Variants in USP14 observed in about 807,000 individuals in gnomAD.
USP14 encodes the protein ubiquitin specific peptidase 14.
A neutral mutation model predicts 76.5 loss-of-function variants in USP14; 38 were observed. The observed-to-expected ratio is 0.50, with a 90% CI of 0.38 to 0.65. The LOEUF (loss-of-function observed/expected upper bound fraction) is 0.65. USP14 is among the 30% of genes least tolerant of loss of function. The probability of loss-of-function intolerance (pLI) is 0.00; values close to 1 mark genes in which losing one functional copy is unlikely to be tolerated. For synonymous variants in USP14, 192 were observed against 191.7 expected, an observed-to-expected ratio of 1.00 and a Z score of -0.01; for missense variants, 467 against 586.5, an observed-to-expected ratio of 0.80 and a Z score of 2.10.
chr18:171,024 AAATATAT>A (rs1267341080), intron 3 of USP14, among the ~76,000 whole-genome samples: 52 of 58,804 alleles, frequency 8.8e-4, no homozygotes, highest in African/African-American at 3.5e-3. Flanking sequence ...AAAAAAAAAA[AAATATAT>A]ATATATATAT....
chr18:173,333 T>C (rs565248472), intron 3 of USP14, among the ~76,000 whole-genome samples: 84 of 152,004 alleles, frequency 5.5e-4, no homozygotes, highest in African/African-American at 1.9e-3. Context: ...GGATGGTCTC[T>C]ATCTCCTGAC....
chr18:204,737 C>T (rs1910481229), intron 13 of USP14, 45 bp downstream of exon 13: 3 of 1,592,780 alleles, frequency 1.9e-6, no homozygotes, highest in Non-Finnish European at 2.6e-6. Context: ...TCTTAATCTC[C>T]CATCAGTGCT....
At chr18:167,795 G>A (rs773085124) in intron 3 of USP14, among the ~76,000 whole-genome samples, 1 of 151,868 alleles carries the variant, frequency 6.6e-6, no homozygotes, top group Non-Finnish European at 1.5e-5. Context: ...GGATTAACAG[G>A]TGTGAGTCAC....
intron 5 of USP14, among the ~76,000 whole-genome samples, chr18:192,272 T>C (rs562703635): frequency 9.8e-5 from 15 of 152,308 alleles, no homozygotes; most frequent in African/African-American, 3.1e-4. Flanking sequence ...TTTCAGAAAA[T>C]GTTTGTTTTA....
intron 2 of USP14, among the ~76,000 whole-genome samples, chr18:163,809 G>A (rs368708925): frequency 6.9e-6 from 1 of 145,614 alleles, no homozygotes; most frequent in African/African-American, 2.5e-5. Context: ...CATAGTACCC[G>A]ATAGGTAGTT....
At chr18:185,304 G>A (rs1909898406) in intron 5 of USP14, among the ~76,000 whole-genome samples, 1 of 152,122 alleles carries the variant, frequency 6.6e-6, no homozygotes, top group Admixed American at 6.6e-5. Flanking sequence ...AATTACAGGT[G>A]TGTGCCACCA....
rs142601914 is a variant in USP14 at position 197,450 on chromosome 18, G to C, written c.595-166G>C. 2.0e-5 allele frequency among the ~76,000 whole-genome samples: 3 copies of C among 152,286 alleles called. No homozygotes were observed. In the East Asian group the frequency reaches 5.8e-4, roughly 29 times the overall value. Reference sequence around the variant, plus strand: ...CAGCAGATGTCTGTTGAATGAATAAGCTATTCTAGAATGCTTTATTTTTTG... The same window carrying C: ...CAGCAGATGTCTGTTGAATGAATAACCTATTCTAGAATGCTTTATTTTTTG... On this transcript the variant is annotated intron_variant, in intron 7 of 15. Coordinates refer to ENST00000261601, the MANE Select transcript of USP14 (RefSeq NM_005151.4).
intron 5 of USP14, among the ~76,000 whole-genome samples, chr18:183,845 A>G (rs1303934208): frequency 2.0e-5 from 3 of 150,950 alleles, no homozygotes; most frequent in Non-Finnish European, 4.4e-5. Context: ...GTGTGCTCAT[A>G]TCATGCAACC....
At position 171,025 on chromosome 18, in the gene USP14, A is replaced by AATATATATATATATAT. The variant is rs57888885; in HGVS notation, c.195+4222_195+4237dup. ...CCTGGAACTTAAAAAAAAAAAAAAA[A>AATATATATATATATAT]ATATATATATATATATATATATATA... On this transcript the variant is annotated intron_variant, in intron 3 of 15. Coordinates refer to ENST00000261601, the MANE Select transcript of USP14 (RefSeq NM_005151.4). 2.0e-3 allele frequency among the ~76,000 whole-genome samples: 96 copies of AATATATATATATATAT among 47,588 alleles called. 1 individual carries two copies. Among genetic ancestry groups the AATATATATATATATAT allele is most frequent in the East Asian group, 0.01 (11 of 1,078 alleles). The allele number at this position is 47,588 out of a possible 152,430, so 31.2% of individuals were successfully genotyped here.
At chr18:203,622 T>C (rs1464278210) in intron 12 of USP14, among the ~76,000 whole-genome samples, 1 of 152,058 alleles carries the variant, frequency 6.6e-6, no homozygotes, top group Non-Finnish European at 1.5e-5. Context: ...CTTTCTTTTT[T>C]TTTTTGAGAC....
At chr18:211,032 G>A in intron 15 of USP14, 101 bp from the exon 16 acceptor site, 1 of 1,244,652 alleles carries the variant, frequency 8.0e-7, no homozygotes, top group Non-Finnish European at 1.1e-6. Context: ...GTGGCCAGTG[G>A]AGCACTGCTG....
chr18:197,533 C>T (rs1567834342), intron 7 of USP14, 83 bp from the exon 8 acceptor site: 9 of 1,090,492 alleles, frequency 8.3e-6, no homozygotes, highest in Admixed American at 4.2e-5. Context: ...ACTTTCTTGC[C>T]TAGGAGACAG....
At position 211,534 on chromosome 18, in the gene USP14, G is replaced by C; in HGVS notation, c.*250G>C. On this transcript the variant is annotated 3_prime_UTR_variant, in exon 16 of 16. Transcript: ENST00000261601. ...ATTTTTAAAAAGCTTATTATTTCTT[G>C]CATTATTTTAAAAAGTTCAGAGTTG... 1 of 322,608 alleles carries C rather than the reference G, an allele frequency of 3.1e-6. No individual in the cohort carries two copies. Among genetic ancestry groups the C allele is most frequent in the East Asian group, 5.1e-5 (1 of 19,660 alleles). 20.0% of individuals were successfully genotyped at this position (322,608 alleles called of 1,614,324 possible).
intron 5 of USP14, among the ~76,000 whole-genome samples, chr18:184,158 A>C (rs967383173): frequency 3.3e-5 from 5 of 152,162 alleles, no homozygotes; most frequent in African/African-American, 1.2e-4. Context: ...AGTGAAAGTT[A>C]CTTTTTTCGC....
chr18:185,992 A>C (rs977678165), intron 5 of USP14, among the ~76,000 whole-genome samples: 1 of 151,890 alleles, frequency 6.6e-6, no homozygotes, highest in African/African-American at 2.4e-5. Context: ...GTGAGCCACC[A>C]CATCTGGCAC....
At chr18:176,432 T>G (rs564308936) in intron 3 of USP14, among the ~76,000 whole-genome samples, 1 of 152,276 alleles carries the variant, frequency 6.6e-6, no homozygotes, top group African/African-American at 2.4e-5. Flanking sequence ...GGACTACAGG[T>G]GTGTGCCACC....
At chr18:202,740 C>T (rs1363364196) in intron 10 of USP14, 140 bp from the exon 11 acceptor site, 3 of 664,964 alleles carry the variant, frequency 4.5e-6, no homozygotes, top group African/African-American at 1.8e-5. Context: ...AATTGTGTCT[C>T]AGTGGTATAA....
chr18:161,766 G>T (rs1328064395), intron 1 of USP14, among the ~76,000 whole-genome samples: 1 of 152,130 alleles, frequency 6.6e-6, no homozygotes, highest in Non-Finnish European at 1.5e-5. Flanking sequence ...TTTTGAGAAG[G>T]TATAAAATTT....
intron 1 of USP14, among the ~76,000 whole-genome samples, chr18:161,296 A>G (rs374016989): frequency 7.2e-5 from 11 of 152,220 alleles, no homozygotes; most frequent in African/African-American, 2.6e-4. Context: ...AGTTTCATCT[A>G]CTGCTGCTTT....
Sources: gnomAD v4.1 joint callset for allele counts (sites outside exome capture counted in the v4.1 genomes callset) on GRCh38, gnomAD v4.1.1 for gene constraint, MANE v1.5 for transcripts, NCBI Gene and HGNC (gene_info 2026-07-23, HGNC 2026-07-21) for gene names.